Variants in GMCL1 observed in about 807,000 individuals in gnomAD.
GMCL1 encodes germ cell-less 1, spermatogenesis associated.
Under a neutral mutation model 75.5 loss-of-function variants are expected in GMCL1, and 54 were observed. The ratio of observed to expected loss-of-function variants is 0.71; its 90% CI spans 0.57 to 0.90. The LOEUF (loss-of-function observed/expected upper bound fraction) is 0.90. GMCL1 is among the 40% of genes least tolerant of loss of function. The pLI, the probability that GMCL1 is intolerant of heterozygous loss-of-function variation, is 0.00. For synonymous variants in GMCL1, 210 were observed against 209.6 expected, an observed-to-expected ratio of 1.00 and a Z score of -0.02; for missense variants, 537 against 622.7, an observed-to-expected ratio of 0.86 and a Z score of 1.47.
At chr2:69,838,393 T>C (rs1336225318) in intron 2 of GMCL1, among the ~76,000 whole-genome samples, 1 of 144,078 alleles carries the variant, frequency 6.9e-6, no homozygotes, top group Non-Finnish European at 1.5e-5. Context: ...AATACAATGT[T>C]GCTCTAATGG....
chr2:69,839,836 A>T (rs534823840), intron 3 of GMCL1, among the ~76,000 whole-genome samples: 10 of 148,800 alleles, frequency 6.7e-5, no homozygotes, highest in African/African-American at 4.9e-5. Context: ...AAGTATGACC[A>T]TTTTTTTTTT....
At chr2:69,830,866 T>C (rs1364962343) in intron 1 of GMCL1, among the ~76,000 whole-genome samples, 2 of 152,114 alleles carry the variant, frequency 1.3e-5, no homozygotes, top group Admixed American at 6.5e-5. Context: ...ATTTGGTTTT[T>C]CTGCTTTTGT....
At chr2:69,858,944 G>T (rs553973659) in intron 9 of GMCL1, among the ~76,000 whole-genome samples, 1 of 151,874 alleles carries the variant, frequency 6.6e-6, no homozygotes, top group South Asian at 2.1e-4. Flanking sequence ...TAAGGAGATC[G>T]AGACCATCCT....
chr2:69,875,788 G>C (rs1216085183), intron 13 of GMCL1, among the ~76,000 whole-genome samples: 1 of 151,534 alleles, frequency 6.6e-6, no homozygotes, highest in South Asian at 2.1e-4. Flanking sequence ...TCCACCTCCC[G>C]GGTTCAAGCG....
intron 4 of GMCL1, among the ~76,000 whole-genome samples, chr2:69,841,780 G>C (rs537984646): frequency 3.9e-4 from 59 of 152,328 alleles, no homozygotes; most frequent in African/African-American, 1.2e-3. Flanking sequence ...ACAGAGTCTT[G>C]AAAGTGTGTT....
chr2:69,839,439 C>CTTTTTTTTTT lies in GMCL1; in HGVS notation c.385-17_385-8dup. ...ACAGAAAGTACTTGATAATCGTTGA[C>CTTTTTTTTTT]TTTTTTTTTTGTTTAAGTCTGGCTA... On this transcript the variant is annotated splice_polypyrimidine_tract_variant and intron_variant, in intron 2 of 13. Coordinates refer to ENST00000282570, the MANE Select transcript of GMCL1 (RefSeq NM_178439.5). 1.5e-6 allele frequency: 2 copies of CTTTTTTTTTT among 1,330,830 alleles called. No homozygotes were observed. The highest frequency in any genetic ancestry group is 1.5e-5 in the African/African-American group (1 of 67,240). The allele number at this position is 1,330,830 out of a possible 1,614,324, so 82.4% of individuals were successfully genotyped here. A position where few individuals can be genotyped will look rare whatever the true frequency, so the allele number is the denominator to read the frequency against.
Position 69,843,195 on chromosome 2 carries a change from A to G in GMCL1, c.626A>G (p.Asn209Ser). The G allele has an allele frequency of 6.2e-7, 1 of 1,612,618 alleles. No homozygotes were observed. Among genetic ancestry groups the G allele is most frequent in the Non-Finnish European group, 8.5e-7 (1 of 1,178,738 alleles). The change falls in exon 5 of 14, where the codon AAT (asparagine) becomes AGT (serine). Residue 209 changes from asparagine (N) to serine (S), a missense_variant. Coordinates refer to ENST00000282570, the MANE Select transcript of GMCL1 (RefSeq NM_178439.5). Reference sequence around the variant, plus strand: ...GGTGAGACAATGAAGGAAACAGTTAATGTGAAAACTGTATGTGGCTATTAC... The same window carrying G: ...GGTGAGACAATGAAGGAAACAGTTAGTGTGAAAACTGTATGTGGCTATTAC... ...QCGETMKETV[N>S]VKTVCGYYTS...
chr2:69,836,755 T>G (rs1334985748), intron 1 of GMCL1, among the ~76,000 whole-genome samples: 2 of 152,216 alleles, frequency 1.3e-5, no homozygotes, highest in Non-Finnish European at 2.9e-5. Context: ...ATTTTCAAAC[T>G]TTATTTTTTT....
At chr2:69,876,158 A>G (rs913282199) in intron 13 of GMCL1, among the ~76,000 whole-genome samples, 1 of 152,222 alleles carries the variant, frequency 6.6e-6, no homozygotes, top group Non-Finnish European at 1.5e-5. Flanking sequence ...AGCAATGTGT[A>G]GGAAGGATTA....
At chr2:69,854,665 T>TA (rs1675417724) in intron 8 of GMCL1, among the ~76,000 whole-genome samples, 158 bp from the exon 9 acceptor site, 1 of 152,214 alleles carries the variant, frequency 6.6e-6, no homozygotes, top group Non-Finnish European at 1.5e-5. Flanking sequence ...CTTATGTTCT[T>TA]ATCTGTAAAC....
intron 5 of GMCL1, among the ~76,000 whole-genome samples, chr2:69,843,765 T>C (rs1182438005): frequency 6.6e-6 from 1 of 152,212 alleles, no homozygotes; most frequent in Non-Finnish European, 1.5e-5. Context: ...CACTTTATAG[T>C]ATATTTTCTA....
At chr2:69,874,054 C>T (rs560790938) in intron 13 of GMCL1, among the ~76,000 whole-genome samples, 2 of 151,568 alleles carry the variant, frequency 1.3e-5, no homozygotes, top group South Asian at 2.1e-4. Flanking sequence ...TTGGCTATAC[C>T]GTAACTTAGA....
chr2:69,843,124 T>TC (rs1319439177), intron 4 of GMCL1, 25 bp from the exon 5 acceptor site: 12 of 1,379,540 alleles, frequency 8.7e-6, no homozygotes, highest in Non-Finnish European at 1.0e-5. Context: ...AAATGGGCCT[T>TC]TCCAGTGCTT....
Position 69,859,742 on chromosome 2 carries a change from T to TAAAAAAAAAAAAAAAAAAAAAAAAA in GMCL1, c.1073-1520_1073-1519insAAAAAAAAAAAAAAAAAAAAAAAAA, listed in dbSNP as rs1207817401. ...GAGTGAGACCGTGTCTCTCTCTCTC[T>TAAAAAAAAAAAAAAAAAAAAAAAAA]AAAAAAAAAAAAAAAAGTATATATG... On this transcript the variant is annotated intron_variant, in intron 9 of 13. Coordinates refer to ENST00000282570, the MANE Select transcript of GMCL1 (RefSeq NM_178439.5). Among the ~76,000 whole-genome samples the TAAAAAAAAAAAAAAAAAAAAAAAAA allele has an allele frequency of 1.3e-4, 10 of 79,088 alleles. 1 individual carries two copies. Among genetic ancestry groups the TAAAAAAAAAAAAAAAAAAAAAAAAA allele is most frequent in the Middle Eastern group, 6.3e-3 (1 of 160 alleles). The allele number at this position is 79,088 out of a possible 152,430, so 51.9% of individuals were successfully genotyped here. A position where few individuals can be genotyped will look rare whatever the true frequency, so the allele number is the denominator to read the frequency against.
chr2:69,873,843 G>C (rs1022575991), intron 13 of GMCL1: 1 of 168,146 alleles, frequency 5.9e-6, no homozygotes, highest in Non-Finnish European at 1.5e-5. Context: ...AGGCAAAATG[G>C]GGTCACCTGG....
chr2:69,851,484 C>T (rs933138426), intron 8 of GMCL1, among the ~76,000 whole-genome samples: 2 of 152,048 alleles, frequency 1.3e-5, no homozygotes, highest in African/African-American at 4.8e-5. Context: ...GTGGTGGTCG[C>T]CTATAATCCC....
chr2:69,842,966 T>A (rs1012632141), intron 4 of GMCL1, 183 bp from the exon 5 acceptor site: 1 of 379,888 alleles, frequency 2.6e-6, no homozygotes. Context: ...GCTGAACTTT[T>A]TTCAGTATTT....
intron 7 of GMCL1, among the ~76,000 whole-genome samples, chr2:69,848,473 C>T (rs1354886125): frequency 2.6e-5 from 4 of 152,178 alleles, no homozygotes; most frequent in Non-Finnish European, 5.9e-5. Flanking sequence ...TTGGGAGGCC[C>T]AGGCTGGCGG....
At chr2:69,851,554 G>A (rs1675321493) in intron 8 of GMCL1, among the ~76,000 whole-genome samples, 1 of 151,992 alleles carries the variant, frequency 6.6e-6, no homozygotes, top group African/African-American at 2.4e-5. Flanking sequence ...AAGTTGCAGG[G>A]GGCCGAGATT....
Sources: gnomAD v4.1 joint callset for allele counts (sites outside exome capture counted in the v4.1 genomes callset) on GRCh38, gnomAD v4.1.1 for gene constraint, MANE v1.5 for transcripts, NCBI Gene and HGNC (gene_info 2026-07-23, HGNC 2026-07-21) for gene names.